Variants in GUCY1A2 observed in about 807,000 individuals in gnomAD.
GUCY1A2 encodes guanylate cyclase 1 soluble subunit alpha 2, also known as guanylate cyclase soluble subunit alpha-2.
GUCY1A2 carries 27 observed loss-of-function variants against 63.5 expected under a neutral mutation model. That is an observed-to-expected ratio of 0.43 (90% CI 0.31 to 0.59). The LOEUF (loss-of-function observed/expected upper bound fraction) is 0.59, where lower values mean the gene tolerates loss of function less well. Among genes scored for constraint, GUCY1A2 ranks in the 20% least tolerant of loss-of-function variants. The pLI is 0.11. For missense variants in GUCY1A2, 768 were observed against 913.3 expected, an observed-to-expected ratio of 0.84 and a Z score of 2.05; for synonymous variants, 364 against 343.5, an observed-to-expected ratio of 1.06 and a Z score of -0.66.
At chr11:106,769,670 A>G (rs1293468785) in intron 6 of GUCY1A2, among the ~76,000 whole-genome samples, 5 of 152,168 alleles carry the variant, frequency 3.3e-5, no homozygotes, top group African/African-American at 1.2e-4. Context: ...GTATTTTTCC[A>G]TATTACTGTT....
At chr11:106,860,956 T>TGTTATAAAGATAAATTTTAAGAAGGAGGA (rs1352602835) in intron 4 of GUCY1A2, among the ~76,000 whole-genome samples, 2 of 151,980 alleles carry the variant, frequency 1.3e-5, no homozygotes, top group East Asian at 3.9e-4. Context: ...CTACTCTTCC[T>TGTTATAAAGATAAATTTTAAGAAGGAGGA]GTTATAAAGA....
intron 4 of GUCY1A2, among the ~76,000 whole-genome samples, chr11:106,921,451 T>TA (rs963979943): frequency 1.7e-4 from 26 of 151,552 alleles, no homozygotes; most frequent in Admixed American, 7.9e-4. Context: ...AATTCTAGTT[T>TA]AAAAAAAAAC....
At chr11:106,704,422 C>G (rs1293157934) in intron 7 of GUCY1A2, among the ~76,000 whole-genome samples, 1 of 152,108 alleles carries the variant, frequency 6.6e-6, no homozygotes, top group East Asian at 1.9e-4. Context: ...AATTTAGAGC[C>G]TGGATTCTAC....
At chr11:106,999,218 G>A (rs1029481547) in intron 1 of GUCY1A2, among the ~76,000 whole-genome samples, 1 of 152,166 alleles carries the variant, frequency 6.6e-6, no homozygotes, top group African/African-American at 2.4e-5. Flanking sequence ...GAGTCTTACA[G>A]CAGATTTTTG....
intron 5 of GUCY1A2, among the ~76,000 whole-genome samples, chr11:106,803,826 G>A (rs1322106123): frequency 2.0e-5 from 3 of 152,172 alleles, no homozygotes; most frequent in Admixed American, 1.3e-4. Flanking sequence ...TTGTCTGAAT[G>A]GATTGAAAGA....
rs1861847168 is a variant in GUCY1A2 at position 107,017,863 on chromosome 11, C to CAGCCGGGGTCGG, written c.181_192dup (p.Pro61_Ala64dup). 6.4e-6 allele frequency: 8 copies of CAGCCGGGGTCGG among 1,251,034 alleles called. No individual in the cohort carries two copies. In the East Asian group the frequency reaches 2.5e-4, roughly 40 times the overall value. 77.5% of individuals were successfully genotyped at this position (1,251,034 alleles called of 1,614,324 possible). Reference sequence around the variant, plus strand: ...GTGGCAGCGGCGGCGGCGGCAGAAGCAGCCGGGGTCGGGGCCGGGGCGGCG... The same window carrying CAGCCGGGGTCGG: ...GTGGCAGCGGCGGCGGCGGCAGAAGCAGCCGGGGTCGGAGCCGGGGTCGGGGCCGGGGCGGCG... On this transcript the variant is annotated inframe_insertion, in exon 1 of 8. Transcript: ENST00000526355.
intron 4 of GUCY1A2, among the ~76,000 whole-genome samples, chr11:106,877,507 T>C (rs1185267913): frequency 1.3e-5 from 2 of 152,030 alleles, no homozygotes; most frequent in Non-Finnish European, 2.9e-5. Flanking sequence ...TATGACTATC[T>C]GACCTTCAAC....
intron 4 of GUCY1A2, among the ~76,000 whole-genome samples, chr11:106,933,549 G>A (rs766046770): frequency 3.5e-4 from 53 of 152,134 alleles, no homozygotes; most frequent in Non-Finnish European, 7.2e-4. Flanking sequence ...ATTTCTCAAA[G>A]AAGTTAAAAA....
chr11:106,953,502 C>G (rs1860939909), intron 3 of GUCY1A2, among the ~76,000 whole-genome samples: 2 of 152,076 alleles, frequency 1.3e-5, no homozygotes. Context: ...GTGTCTCTTC[C>G]TAATTTTGGT....
chr11:106,933,245 G>T (rs971257400), intron 4 of GUCY1A2, among the ~76,000 whole-genome samples: 2 of 151,590 alleles, frequency 1.3e-5, no homozygotes, highest in African/African-American at 4.8e-5. Context: ...CTATAAGGAA[G>T]TTAAGCAAAC....
chr11:106,706,345 C>T (rs1374497638), intron 7 of GUCY1A2, among the ~76,000 whole-genome samples: 1 of 151,808 alleles, frequency 6.6e-6, no homozygotes, highest in Non-Finnish European at 1.5e-5. Flanking sequence ...ACGTGTCTAT[C>T]TATGGCTCTG....
intron 3 of GUCY1A2, among the ~76,000 whole-genome samples, chr11:106,942,162 A>G (rs981858183): frequency 5.9e-5 from 9 of 152,162 alleles, no homozygotes; most frequent in Non-Finnish European, 1.5e-5. Context: ...AAATACTTAA[A>G]TCAATACATA....
intron 6 of GUCY1A2, among the ~76,000 whole-genome samples, chr11:106,709,483 TATTTA>T (rs1488173177): frequency 5.3e-5 from 3 of 56,620 alleles, no homozygotes; most frequent in African/African-American, 2.4e-4. Flanking sequence ...TATTATTATA[TATTTA>T]TATATATATA....
chr11:106,749,070 CATAA>C (rs935303911), intron 6 of GUCY1A2, among the ~76,000 whole-genome samples: 2 of 151,996 alleles, frequency 1.3e-5, no homozygotes, highest in African/African-American at 2.4e-5. Flanking sequence ...TGTTTGGATA[CATAA>C]ATACTTACCA....
At chr11:106,840,802 A>G (rs1375589088) in intron 4 of GUCY1A2, among the ~76,000 whole-genome samples, 1 of 151,962 alleles carries the variant, frequency 6.6e-6, no homozygotes, top group Non-Finnish European at 1.5e-5. Context: ...ATGACAGAAA[A>G]TTCCGAACAA....
intron 4 of GUCY1A2, among the ~76,000 whole-genome samples, chr11:106,815,345 G>A (rs1218926073): frequency 1.3e-5 from 2 of 152,024 alleles, no homozygotes; most frequent in Admixed American, 6.6e-5. Flanking sequence ...GGGAGAGTGA[G>A]GTTGAAATAG....
At chr11:106,828,002 T>G (rs1858997692) in intron 4 of GUCY1A2, 1 of 705,142 alleles carries the variant, frequency 1.4e-6, no homozygotes, top group Non-Finnish European at 2.6e-6. Flanking sequence ...ATCCAGAGAA[T>G]CCGACCTACG....
At chr11:106,942,857 A>T (rs1396044642) in intron 3 of GUCY1A2, among the ~76,000 whole-genome samples, 2 of 152,150 alleles carry the variant, frequency 1.3e-5, no homozygotes, top group East Asian at 1.9e-4. Context: ...TTTATAAAGG[A>T]CCTCTGTACT....
chr11:106,926,641 T>C (rs1212299917), intron 4 of GUCY1A2, among the ~76,000 whole-genome samples: 1 of 151,916 alleles, frequency 6.6e-6, no homozygotes, highest in Admixed American at 6.6e-5. Flanking sequence ...TAAAGAAGGC[T>C]CCGAACACAT....
Sources: allele counts gnomAD v4.1 joint callset (sites outside exome capture counted in the v4.1 genomes callset), GRCh38; gene constraint gnomAD v4.1.1; transcripts MANE v1.5; gene names NCBI Gene and HGNC (gene_info 2026-07-23, HGNC 2026-07-21).